Variants in ARHGEF37 observed in about 807,000 individuals in gnomAD.
ARHGEF37 encodes Rho guanine nucleotide exchange factor (GEF) 37.
A neutral mutation model predicts 71.1 loss-of-function variants in ARHGEF37; 55 were observed. That is an observed-to-expected ratio of 0.77 (90% CI 0.62 to 0.97). ARHGEF37 has a LOEUF of 0.97. ARHGEF37 is among the 50% of genes least tolerant of loss of function. ARHGEF37 has a pLI of 0.00. For missense variants in ARHGEF37, 765 were observed against 836.8 expected (o/e 0.91, Z 1.06); for synonymous variants, 327 against 350.6 (o/e 0.93, Z 0.75).
chr5:149,576,118 G>T (rs545596972), intron 1 of ARHGEF37, among the ~76,000 whole-genome samples: 1 of 152,296 alleles, frequency 6.6e-6, no homozygotes, highest in East Asian at 1.9e-4. Flanking sequence ...GGTGGCACAT[G>T]CCTGTAATCC....
At chr5:149,594,425 T>C (rs1415826444) in intron 1 of ARHGEF37, among the ~76,000 whole-genome samples, 1 of 152,242 alleles carries the variant, frequency 6.6e-6, no homozygotes, top group Non-Finnish European at 1.5e-5. Flanking sequence ...AATACAGCTA[T>C]GCATCAGACA....
intron 1 of ARHGEF37, among the ~76,000 whole-genome samples, chr5:149,571,252 T>C (rs1580884429): frequency 6.6e-6 from 1 of 152,030 alleles, no homozygotes; most frequent in East Asian, 1.9e-4. Context: ...AAGTTTTGTT[T>C]TGTTTTGTTT....
chr5:149,611,700 ACACT>A (rs1374828709), intron 4 of ARHGEF37, among the ~76,000 whole-genome samples: 1 of 152,226 alleles, frequency 6.6e-6, no homozygotes, highest in East Asian at 1.9e-4. Context: ...CACACGAGTG[ACACT>A]CAATGAATCT....
At chr5:149,554,471 A>G (rs889331388) in intron 1 of ARHGEF37, among the ~76,000 whole-genome samples, 9 of 152,046 alleles carry the variant, frequency 5.9e-5, no homozygotes, top group African/African-American at 2.2e-4. Context: ...GAGATTCTAT[A>G]ATTTTGTATA....
At position 149,628,861 on chromosome 5, in the gene ARHGEF37, C is replaced by G; in HGVS notation, c.1713C>G (p.Pro571=). 1.9e-6 allele frequency: 3 copies of G among 1,613,802 alleles called. No homozygotes were observed. The highest frequency in any genetic ancestry group is 2.5e-6 in the Non-Finnish European group (3 of 1,179,990). Residue 571 remains proline (P), a synonymous_variant, in exon 12 of 13, where the codon CCC becomes CCG. Coordinates refer to ENST00000333677, the MANE Select transcript of ARHGEF37 (RefSeq NM_001001669.3). ...AGKLQLYHVV[P]SAEELRRQAG... is the part of the protein sequence containing the mutation. ...AACTACAGCTGTACCATGTGGTCCC[C>G]AGTGCAGAGGAGCTCAGAAGGCAGG...
chr5:149,589,942 C>T (rs890296566), intron 1 of ARHGEF37, among the ~76,000 whole-genome samples: 1 of 152,136 alleles, frequency 6.6e-6, no homozygotes, highest in East Asian at 1.9e-4. Flanking sequence ...GTTGGGATTA[C>T]AGGCATGATC....
intron 8 of ARHGEF37, among the ~76,000 whole-genome samples, chr5:149,621,099 C>T (rs1752526781): frequency 6.6e-6 from 1 of 152,116 alleles, no homozygotes; most frequent in Non-Finnish European, 1.5e-5. Context: ...CCTCCTGGGT[C>T]ATTTATACAG....
intron 2 of ARHGEF37, among the ~76,000 whole-genome samples, chr5:149,599,330 T>C (rs1763683633): frequency 6.6e-6 from 1 of 152,054 alleles, no homozygotes; most frequent in Non-Finnish European, 1.5e-5. Flanking sequence ...GGCTGGGCTC[T>C]GTCCCCTCCT....
At chr5:149,589,910 TC>T (rs943799462) in intron 1 of ARHGEF37, among the ~76,000 whole-genome samples, 2 of 152,042 alleles carry the variant, frequency 1.3e-5, no homozygotes, top group African/African-American at 2.4e-5. Context: ...CAAGCAATCC[TC>T]CCACCTTAGC....
chr5:149,561,292 A>G (rs1762826745), intron 1 of ARHGEF37, among the ~76,000 whole-genome samples: 1 of 143,894 alleles, frequency 6.9e-6, no homozygotes, highest in Admixed American at 7.2e-5. Context: ...AAAAAAAAAA[A>G]GGCAATAATT....
intron 3 of ARHGEF37, among the ~76,000 whole-genome samples, chr5:149,608,908 G>C (rs963971752): frequency 6.6e-6 from 1 of 152,110 alleles, no homozygotes; most frequent in East Asian, 1.9e-4. Context: ...TGAGTGGCCA[G>C]GAGTGGTGGC....
chr5:149,577,986 G>A (rs1763044806), upstream of ARHGEF37, among the ~76,000 whole-genome samples: 1 of 152,238 alleles, frequency 6.6e-6, no homozygotes, highest in East Asian at 1.9e-4. Context: ...ATGGCAGCTA[G>A]GTGATCTATG....
chr5:149,559,136 C>T (rs1231825793), intron 1 of ARHGEF37, among the ~76,000 whole-genome samples: 4 of 152,136 alleles, frequency 2.6e-5, no homozygotes, highest in Admixed American at 2.0e-4. Flanking sequence ...GCCTGGCCAA[C>T]GTGGTAAAAC....
chr5:149,622,211 T>C, intron 9 of ARHGEF37, 149 bp downstream of exon 9: 1 of 732,068 alleles, frequency 1.4e-6, no homozygotes, highest in Non-Finnish European at 2.2e-6. Context: ...GTGGGAACCT[T>C]CCAGATCTCT....
At chr5:149,574,420 A>G (rs945844280) in intron 1 of ARHGEF37, among the ~76,000 whole-genome samples, 1 of 152,248 alleles carries the variant, frequency 6.6e-6, no homozygotes, top group Non-Finnish European at 1.5e-5. Flanking sequence ...GAAGTTTACT[A>G]AAAGGCTGGG....
chr5:149,560,125 G>A (rs1014993864), intron 1 of ARHGEF37, among the ~76,000 whole-genome samples: 18 of 152,162 alleles, frequency 1.2e-4, no homozygotes, highest in Middle Eastern at 3.4e-3. Context: ...TTTTTTGTTT[G>A]TTGTTTTGAG....
At chr5:149,555,394 C>T (rs1474428583) in intron 1 of ARHGEF37, among the ~76,000 whole-genome samples, 1 of 152,058 alleles carries the variant, frequency 6.6e-6, no homozygotes, top group Non-Finnish European at 1.5e-5. Flanking sequence ...GTCTAGACCT[C>T]CTGGGCTCAA....
At chr5:149,559,718 T>C (rs1185781319) in intron 1 of ARHGEF37, among the ~76,000 whole-genome samples, 5 of 152,374 alleles carry the variant, frequency 3.3e-5, no homozygotes, top group Middle Eastern at 3.4e-3. Context: ...TCATGGACTA[T>C]TCAATCTTTT....
chr5:149,614,679 C>CA (rs1171002225), intron 4 of ARHGEF37, among the ~76,000 whole-genome samples: 1 of 152,158 alleles, frequency 6.6e-6, no homozygotes, highest in Non-Finnish European at 1.5e-5. Flanking sequence ...CACAGTCAGC[C>CA]AAGCCCCAGG....
Sources: gnomAD v4.1 joint callset for allele counts (sites outside exome capture counted in the v4.1 genomes callset) on GRCh38, gnomAD v4.1.1 for gene constraint, MANE v1.5 for transcripts, NCBI Gene and HGNC (gene_info 2026-07-23, HGNC 2026-07-21) for gene names.